Variants in TRPM5 observed in about 807,000 individuals in gnomAD.
TRPM5 encodes MLSN1 and TRP-related.
A neutral mutation model predicts 124.9 loss-of-function variants in TRPM5; 121 were observed. The observed-to-expected ratio is 0.97, with a 90% CI of 0.84 to 1.13. TRPM5 has a LOEUF of 1.13. Among genes scored for constraint, TRPM5 ranks in the 50% most tolerant of loss-of-function variants. TRPM5 has a pLI of 0.00. For synonymous variants in TRPM5, 781 were observed against 700.5 expected, an observed-to-expected ratio of 1.11 and a Z score of -1.81; for missense variants, 1,643 against 1,589.1, an observed-to-expected ratio of 1.03 and a Z score of -0.58.
the TRPM5 span, among the ~76,000 whole-genome samples, chr11:2,442,399 ACACACACACACACAC>A: frequency 1.4e-5 from 2 of 145,576 alleles, no homozygotes; most frequent in African/African-American, 5.6e-5. The surrounding 1 kb of genome is among the most constrained non-coding windows in gnomAD (Gnocchi z 5.9). Flanking sequence ...ACACACACAC[ACACACACACACACAC>A]ACACACAGAG....
intron 5 of TRPM5, 50 bp downstream of exon 10, chr11:2,418,477 A>T: frequency 6.3e-7 from 1 of 1,580,324 alleles, no homozygotes. Context: ...AACCCACCGC[A>T]CCCCTCCACA....
intron 18 of TRPM5, among the ~76,000 whole-genome samples, chr11:2,410,855 C>T (rs1209284967): frequency 1.3e-5 from 2 of 152,060 alleles, no homozygotes; most frequent in African/African-American, 2.4e-5. Context: ...AGCAGGACGG[C>T]GTAGGGGCTC....
At chr11:2,404,967 G>A (rs140514929) in exon 24 of TRPM5, 23 of 1,612,510 alleles carry the variant, frequency 1.4e-5, no homozygotes, top group Admixed American at 6.7e-5. Context: ...GGCCAGCCCC[G>A]GGTTGTTCCC....
intron 19 of TRPM5, 31 bp from the exon 25 acceptor site, chr11:2,407,331 C>G (rs201364238): frequency 3.2e-6 from 5 of 1,585,486 alleles, no homozygotes; most frequent in African/African-American, 1.4e-5. Flanking sequence ...CGTCACCTAC[C>G]GGCTCCCCAC....
exon 21 of TRPM5, chr11:2,406,723 C>T: frequency 1.9e-6 from 3 of 1,613,596 alleles, no homozygotes; most frequent in Admixed American, 1.7e-5. Flanking sequence ...CCATCTTGCT[C>T]AGGAAGTTCT....
upstream of TRPM5, among the ~76,000 whole-genome samples, chr11:2,424,881 G>A (rs1041239421): frequency 6.6e-6 from 1 of 152,248 alleles, no homozygotes; most frequent in Admixed American, 6.5e-5. Context: ...GCCCCAGGCA[G>A]GACCCACCCA....
chr11:2,431,158 G>T, the TRPM5 span, among the ~76,000 whole-genome samples: 1 of 152,098 alleles, frequency 6.6e-6, no homozygotes, highest in Admixed American at 6.5e-5. Context: ...GCAGATATCA[G>T]CTTCCTCAGT....
exon 9 of TRPM5, chr11:2,415,328 G>A (rs1845648672): frequency 1.3e-6 from 2 of 1,585,254 alleles, no homozygotes; most frequent in Middle Eastern, 3.3e-4. Context: ...GCAGGCTCTT[G>A]CGTGACACGG....
At chr11:2,428,933 G>GTGA in the TRPM5 span, among the ~76,000 whole-genome samples, 4 of 67,168 alleles carry the variant, frequency 6.0e-5, no homozygotes, top group Non-Finnish European at 9.8e-5. The surrounding 1 kb of genome is among the most constrained non-coding windows in gnomAD (Gnocchi z 4.0). Context: ...GATGGTGATG[G>GTGA]TGGTGGTAAT....
At position 2,421,006 on chromosome 11, in the gene TRPM5, C is replaced by T. The variant is rs375689424; in HGVS notation, c.465+26G>A. The T allele has an allele frequency of 7.2e-5, 109 of 1,520,730 alleles. No homozygotes were observed. In the African/African-American group the frequency reaches 1.3e-3, roughly 18 times the overall value. 94.2% of individuals were successfully genotyped at this position (1,520,730 alleles called of 1,614,324 possible). ...CCCCTGCCTCCAGGCCCCCAGCGGT[C>T]GTGGTGCTGGGAGCTGGACGTGCAC... On this transcript the variant is annotated intron_variant, in intron 3 of 23. Coordinates refer to ENST00000155858, the Ensembl canonical transcript of TRPM5.
chr11:2,404,249 C>T (rs764863566), downstream of TRPM5, among the ~76,000 whole-genome samples: 1 of 152,134 alleles, frequency 6.6e-6, no homozygotes, highest in Non-Finnish European at 1.5e-5. Context: ...GGGGCCTGGG[C>T]AGGTGTTTGA....
At chr11:2,418,241 C>T in exon 6 of TRPM5, 1 of 1,586,554 alleles carries the variant, frequency 6.3e-7, no homozygotes, top group Non-Finnish European at 8.6e-7. Flanking sequence ...TGCTTCTCGG[C>T]CACCTTGGGC....
exon 9 of TRPM5, chr11:2,415,176 T>G (rs1387164115): frequency 6.3e-7 from 1 of 1,584,742 alleles, no homozygotes; most frequent in Non-Finnish European, 8.6e-7. Context: ...GCAGGCGTCC[T>G]GCAGGAAGTC....
intron 12 of TRPM5, 52 bp downstream of exon 17, chr11:2,414,009 G>GGGCGGCC: frequency 9.8e-7 from 1 of 1,023,734 alleles, no homozygotes; most frequent in Non-Finnish European, 1.4e-6. Context: ...GGCCCAGCTC[G>GGGCGGCC]CCCGCCCACC....
exon 24 of TRPM5, chr11:2,405,006 A>C: frequency 1.2e-6 from 2 of 1,612,836 alleles, no homozygotes; most frequent in Non-Finnish European, 1.7e-6. Flanking sequence ...TGTGGTCAGC[A>C]GCCACCAGCT....
exon 3 of TRPM5, chr11:2,421,132 T>C: frequency 6.5e-7 from 1 of 1,543,212 alleles, no homozygotes; most frequent in Non-Finnish European, 8.7e-7. Flanking sequence ...CAGCGAGTGG[T>C]CGCGCACGGC....
chr11:2,410,856 G>C (rs544411860), intron 18 of TRPM5, among the ~76,000 whole-genome samples: 1 of 152,224 alleles, frequency 6.6e-6, no homozygotes, highest in South Asian at 2.1e-4. Context: ...GCAGGACGGC[G>C]TAGGGGCTCT....
chr11:2,443,511 C>G, the TRPM5 span, among the ~76,000 whole-genome samples: 74 of 152,330 alleles, frequency 4.9e-4, no homozygotes, highest in African/African-American at 1.3e-3. The surrounding 1 kb of genome is among the most constrained non-coding windows in gnomAD (Gnocchi z 5.0). Flanking sequence ...CCAGCACAAG[C>G]TGGGACCCAC....
At chr11:2,414,009 G>GGCCGCCCCCCCC in intron 12 of TRPM5, 52 bp downstream of exon 17, 1 of 1,023,734 alleles carries the variant, frequency 9.8e-7, no homozygotes, top group Non-Finnish European at 1.4e-6. Context: ...GGCCCAGCTC[G>GGCCGCCCCCCCC]CCCGCCCACC....
Sources: gnomAD v4.1 joint callset for allele counts (sites outside exome capture counted in the v4.1 genomes callset) on GRCh38, gnomAD v4.1.1 for gene constraint, Gnocchi (gnomAD v3.1) non-coding constraint, MANE v1.5 for transcripts, NCBI Gene and HGNC (gene_info 2026-07-23, HGNC 2026-07-21) for gene names.